Variants in HLCS observed in about 807,000 individuals in gnomAD.
HLCS encodes the protein holocarboxylase synthetase.
Under a neutral mutation model 75.0 loss-of-function variants are expected in HLCS, and 53 were observed. The ratio of observed to expected loss-of-function variants is 0.71; its 90% CI spans 0.57 to 0.89. The LOEUF (loss-of-function observed/expected upper bound fraction) is 0.89, where lower values mean the gene tolerates loss of function less well. Ranked by LOEUF, HLCS falls within the 40% of genes least tolerant of loss-of-function variation. The pLI, the probability that HLCS is intolerant of heterozygous loss-of-function variation, is 0.00. For synonymous variants in HLCS, 431 were observed against 428.6 expected (o/e 1.01, Z -0.07); for missense variants, 966 against 1,074.0 (o/e 0.90, Z 1.41).
At chr21:36,764,681 G>T (rs1174855271) in intron 8 of HLCS, among the ~76,000 whole-genome samples, 1 of 152,168 alleles carries the variant, frequency 6.6e-6, no homozygotes, top group African/African-American at 2.4e-5. Flanking sequence ...CTCCAGCGTG[G>T]GTGACAGAGT....
At chr21:36,959,572 T>C (rs1167205425) in intron 2 of HLCS, among the ~76,000 whole-genome samples, 5 of 152,232 alleles carry the variant, frequency 3.3e-5, no homozygotes, top group Admixed American at 3.3e-4. Context: ...AGGTGAAGCC[T>C]GTGGCCCAGA....
At chr21:36,845,075 AT>A (rs201794028) in intron 6 of HLCS, among the ~76,000 whole-genome samples, 3 of 151,558 alleles carry the variant, frequency 2.0e-5, no homozygotes, top group South Asian at 2.1e-4. Context: ...TACAACCACA[AT>A]TTTTTTTTAA....
At chr21:36,976,028 G>C (rs2068928360) in intron 1 of HLCS, among the ~76,000 whole-genome samples, 1 of 152,196 alleles carries the variant, frequency 6.6e-6, no homozygotes, top group Non-Finnish European at 1.5e-5. Flanking sequence ...ACTGATGTTT[G>C]AATTTGTGTC....
chr21:36,816,303 G>C (rs1347234763), intron 6 of HLCS, among the ~76,000 whole-genome samples: 2 of 152,042 alleles, frequency 1.3e-5, no homozygotes, highest in Non-Finnish European at 2.9e-5. Context: ...GGCTGGGGTG[G>C]GAGGATCACT....
At chr21:36,786,734 T>C (rs985114232) in intron 6 of HLCS, among the ~76,000 whole-genome samples, 2 of 152,366 alleles carry the variant, frequency 1.3e-5, no homozygotes, top group Non-Finnish European at 1.5e-5. Context: ...TCTTTAATAA[T>C]AAATATGTGT....
chr21:36,894,546 T>C (rs2064932358), intron 6 of HLCS, among the ~76,000 whole-genome samples: 1 of 152,154 alleles, frequency 6.6e-6, no homozygotes, highest in South Asian at 2.1e-4. Flanking sequence ...GTAACCTCAC[T>C]TCGTAGTGTT....
chr21:36,846,571 T>A (rs543563569), intron 6 of HLCS, among the ~76,000 whole-genome samples: 1 of 152,272 alleles, frequency 6.6e-6, no homozygotes, highest in South Asian at 2.1e-4. Flanking sequence ...AAAGAGTGGA[T>A]AATGAAACTA....
rs142573156 is a variant in HLCS at position 36,837,879 on chromosome 21, T to C, written c.1892+58981A>G. ...TTCTTACAGCGGAGAGGGGAAGAAA[T>C]GGCAACAAAATACACATTGAAAACA... is the stretch of plus-strand genomic sequence containing the variant. On this transcript the variant is annotated intron_variant, in intron 6 of 10. Coordinates refer to ENST00000674895, the MANE Select transcript of HLCS (RefSeq NM_001352514.2). 1.4e-3 allele frequency among the ~76,000 whole-genome samples: 219 copies of C among 152,220 alleles called. 2 individuals carry two copies. Among genetic ancestry groups the C allele is most frequent in the African/African-American group, 5.1e-3 (211 of 41,534 alleles).
At position 36,808,369 on chromosome 21, in the gene HLCS, T is replaced by C. The variant is rs138308381; in HGVS notation, c.1893-41084A>G. 1.7e-3 allele frequency among the ~76,000 whole-genome samples: 256 copies of C among 152,352 alleles called. 1 individual carries two copies. The highest frequency in any genetic ancestry group is 5.8e-3 in the African/African-American group (243 of 41,582). On this transcript the variant is annotated intron_variant, in intron 6 of 10. Coordinates refer to ENST00000674895, the MANE Select transcript of HLCS (RefSeq NM_001352514.2). ...TTTAGTCAAAAAAATCAAATTTTTT[T>C]CCTCTGTTCCCCATTTCCTGTCTTT...
intron 6 of HLCS, among the ~76,000 whole-genome samples, chr21:36,830,956 C>T (rs1364603685): frequency 6.6e-6 from 1 of 152,086 alleles, no homozygotes; most frequent in African/African-American, 2.4e-5. Flanking sequence ...AGGAATCACC[C>T]TAAGGCAGCT....
chr21:36,765,093 C>A lies in HLCS; in HGVS notation c.2040G>T (p.Gln680His), dbSNP rs756081904. 1.2e-6 allele frequency: 2 copies of A among 1,614,094 alleles called. No individual in the cohort carries two copies. The highest frequency in any genetic ancestry group is 1.3e-5 in the African/African-American group (1 of 74,942). Residue 680 changes from glutamine (Q) to histidine (H), a missense_variant, in exon 8 of 11, where the codon CAG becomes CAT. By Grantham distance (24) the Gln-to-His change is conservative. Coordinates refer to ENST00000674895, the MANE Select transcript of HLCS (RefSeq NM_001352514.2). ...TLLISIPLRS[Q>H]LGQRIPFVQH... ...GGACAAACGGGATCCTCTGTCCCAG[C>A]TGGGATCTCAGTGGAATGGAGATGA...
chr21:36,871,780 C>A lies in HLCS; in HGVS notation c.1892+25080G>T, dbSNP rs115344053. ...AGATATACAAAGAACTTCTACAACT[C>A]AATAATAAAATGACAAGTACCCCAA... is the stretch of plus-strand genomic sequence containing the variant. On this transcript the variant is annotated intron_variant, in intron 6 of 10. Transcript: ENST00000674895. 9.5e-3 allele frequency among the ~76,000 whole-genome samples: 1,445 copies of A among 152,154 alleles called. 15 individuals carry two copies. The highest frequency in any genetic ancestry group is 0.03 in the African/African-American group (1,225 of 41,482).
Position 36,912,318 on chromosome 21 carries a change from G to A in HLCS, c.1621-15187C>T, listed in dbSNP as rs563132953. Reference sequence around the variant, plus strand: ...CAGCCAAAAAAAAAAAACAAGGTATGAAGTTCTGATACATGTTATAACATG... The same window carrying A: ...CAGCCAAAAAAAAAAAACAAGGTATAAAGTTCTGATACATGTTATAACATG... On this transcript the variant is annotated intron_variant, in intron 5 of 10. Transcript: ENST00000674895. 2.6e-5 allele frequency among the ~76,000 whole-genome samples: 4 copies of A among 151,434 alleles called. No homozygotes were observed. The East Asian group carries it at 7.7e-4, about 29-fold the overall frequency.
At chr21:36,757,681 G>A (rs772829369) in intron 9 of HLCS, among the ~76,000 whole-genome samples, 1 of 152,186 alleles carries the variant, frequency 6.6e-6, no homozygotes, top group Non-Finnish European at 1.5e-5. Context: ...GTGAAGGGAA[G>A]GATTGACTGG....
intron 6 of HLCS, among the ~76,000 whole-genome samples, chr21:36,881,942 G>T (rs1305307766): frequency 2.6e-5 from 4 of 152,148 alleles, no homozygotes; most frequent in Non-Finnish European, 5.9e-5. Context: ...AGCAGAGGTT[G>T]CAGTGAACCA....
At chr21:36,906,709 G>C (rs552959438) in intron 5 of HLCS, among the ~76,000 whole-genome samples, 5 of 132,262 alleles carry the variant, frequency 3.8e-5, no homozygotes, top group Non-Finnish European at 3.2e-5. Context: ...AAATTAACAA[G>C]CTGAAAATAG....
intron 6 of HLCS, among the ~76,000 whole-genome samples, chr21:36,782,960 G>A (rs1184000412): frequency 6.6e-6 from 1 of 152,180 alleles, no homozygotes; most frequent in Non-Finnish European, 1.5e-5. Flanking sequence ...CTGGGCGACA[G>A]AGTGAGACTC....
intron 5 of HLCS, among the ~76,000 whole-genome samples, chr21:36,914,734 G>A (rs890315086): frequency 2.0e-5 from 3 of 152,230 alleles, no homozygotes; most frequent in Non-Finnish European, 4.4e-5. Context: ...CTCTAACGGC[G>A]AGGGCGGCTC....
chr21:36,858,170 C>G (rs1028037267), intron 6 of HLCS, among the ~76,000 whole-genome samples: 3 of 152,154 alleles, frequency 2.0e-5, no homozygotes, highest in Admixed American at 2.0e-4. Flanking sequence ...AAATTTCTTT[C>G]ACTGCCCTTA....
Sources: allele counts gnomAD v4.1 joint callset (sites outside exome capture counted in the v4.1 genomes callset), GRCh38; gene constraint gnomAD v4.1.1; transcripts MANE v1.5; gene names NCBI Gene and HGNC (gene_info 2026-07-23, HGNC 2026-07-21).